RNF138: variants seen among roughly 807,000 people sequenced by gnomAD.
RNF138 encodes the protein ring finger protein 138, also known as E3 ubiquitin-protein ligase RNF138.
A neutral mutation model predicts 31.0 loss-of-function variants in RNF138; 12 were observed. That is an observed-to-expected ratio of 0.39 (90% CI 0.25 to 0.63). The LOEUF (loss-of-function observed/expected upper bound fraction) is 0.63. Ranked by LOEUF, RNF138 falls within the 20% of genes least tolerant of loss-of-function variation. RNF138 has a pLI of 0.52. For missense variants in RNF138, 192 were observed against 300.1 expected (o/e 0.64, Z 2.66); for synonymous variants, 105 against 99.5 (o/e 1.06, Z -0.33).
rs2040437658 is a variant in RNF138 at position 32,129,432 on chromosome 18, G to T, written c.*245G>T. ...ATGTTTCACTAATGTAACGGTGAAA[G>T]AGAATCCCTGTTGTACTTTATCTTT... On this transcript the variant is annotated 3_prime_UTR_variant, in exon 8 of 8. Coordinates refer to ENST00000261593, the MANE Select transcript of RNF138 (RefSeq NM_016271.5). 3 of 383,134 alleles carry T rather than the reference G, an allele frequency of 7.8e-6. No homozygotes were observed. The highest frequency in any genetic ancestry group is 1.4e-5 in the Non-Finnish European group (3 of 211,870). 23.7% of individuals were successfully genotyped at this position (383,134 alleles called of 1,614,324 possible).
At chr18:32,094,093 G>C (rs2039761367) in intron 2 of RNF138, among the ~76,000 whole-genome samples, 1 of 152,162 alleles carries the variant, frequency 6.6e-6, no homozygotes. Flanking sequence ...GCCCCGCCCG[G>C]AAATCTTTAT....
At position 32,092,890 on chromosome 18, in the gene RNF138, A is replaced by T; in HGVS notation, c.110+4A>T. 6.6e-7 allele frequency: 1 copy of T among 1,509,710 alleles called. No homozygotes were observed. 93.5% of individuals were successfully genotyped at this position (1,509,710 alleles called of 1,614,324 possible). A position where few individuals can be genotyped will look rare whatever the true frequency, so the allele number is the denominator to read the frequency against. On this transcript the variant is annotated splice_donor_region_variant and intron_variant, in intron 2 of 7. Transcript: ENST00000261593. ...GGACCACGGCCTGTCAGCACGTGTG[A>T]GTAGACGCCCCCTCCCCCTCGCGGA...
intron 2 of RNF138, among the ~76,000 whole-genome samples, chr18:32,108,427 ACT>A (rs2144590027): frequency 6.6e-6 from 1 of 151,808 alleles, no homozygotes; most frequent in South Asian, 2.1e-4. Context: ...TGCAGTTTGT[ACT>A]CTTTTATATC....
intron 4 of RNF138, among the ~76,000 whole-genome samples, chr18:32,117,090 TG>T (rs1172395345): frequency 1.3e-5 from 2 of 150,254 alleles, no homozygotes; most frequent in Non-Finnish European, 3.0e-5. Flanking sequence ...TTTGTAGAGA[TG>T]GGGTTTCACC....
chr18:32,121,150 A>C (rs1016446729), intron 4 of RNF138, among the ~76,000 whole-genome samples: 3 of 150,594 alleles, frequency 2.0e-5, no homozygotes, highest in African/African-American at 4.9e-5. Context: ...AAACAAAACA[A>C]AAAAAAAGCA....
At chr18:32,124,577 C>A in intron 5 of RNF138, 157 bp from the exon 6 acceptor site, 1 of 577,354 alleles carries the variant, frequency 1.7e-6, no homozygotes, top group Non-Finnish European at 3.1e-6. Context: ...TGTAATGCAT[C>A]ATTTCCTGAA....
At chr18:32,110,683 C>T (rs781664900) in intron 2 of RNF138, among the ~76,000 whole-genome samples, 1 of 152,056 alleles carries the variant, frequency 6.6e-6, no homozygotes, top group Non-Finnish European at 1.5e-5. Context: ...TTAACTGGTT[C>T]TCTTGAAAGC....
intron 2 of RNF138, among the ~76,000 whole-genome samples, chr18:32,093,992 C>T (rs879191266): frequency 6.6e-6 from 1 of 151,934 alleles, no homozygotes; most frequent in Admixed American, 6.6e-5. Flanking sequence ...GGGGTTTCAC[C>T]GTGTTAGCAA....
rs368990406 is a variant in RNF138, at chr18:32,124,857, C to T, written c.561+12C>T. ...AGATAGTTCCTGTGGTAAGTACATA[C>T]GTTTGAGACAGTCTTCTGCTTAGAA... On this transcript the variant is annotated intron_variant, in intron 6 of 7. Coordinates refer to ENST00000261593, the MANE Select transcript of RNF138 (RefSeq NM_016271.5). 177 of 1,224,184 alleles carry T rather than the reference C, an allele frequency of 1.4e-4. No individual in the cohort carries two copies. Among genetic ancestry groups the T allele is most frequent in the South Asian group, 5.3e-4 (44 of 83,144 alleles). 75.8% of individuals were successfully genotyped at this position (1,224,184 alleles called of 1,614,324 possible).
intron 4 of RNF138, among the ~76,000 whole-genome samples, chr18:32,118,841 AAATAATAAT>A (rs370275912): frequency 2.6e-5 from 4 of 151,994 alleles, no homozygotes; most frequent in African/African-American, 9.7e-5. Context: ...AAAAAAAAGA[AAATAATAAT>A]AATAATAATA....
chr18:32,104,955 C>A (rs1238899256), intron 2 of RNF138, among the ~76,000 whole-genome samples: 23 of 152,096 alleles, frequency 1.5e-4, no homozygotes, highest in Admixed American at 1.5e-3. Context: ...GAAGAACATG[C>A]AGATAGCACA....
At chr18:32,126,135 C>G (rs1433108522) in intron 6 of RNF138, among the ~76,000 whole-genome samples, 1 of 152,068 alleles carries the variant, frequency 6.6e-6, no homozygotes, top group Admixed American at 6.6e-5. Flanking sequence ...TGGCACATGC[C>G]TTTAATCCCA....
chr18:32,121,133 C>CAA (rs200622689), intron 4 of RNF138, among the ~76,000 whole-genome samples: 8 of 76,392 alleles, frequency 1.0e-4, no homozygotes, highest in African/African-American at 3.1e-4. Flanking sequence ...GAGACTGTCT[C>CAA]AAAAAAAAAC....
intron 4 of RNF138, among the ~76,000 whole-genome samples, chr18:32,117,965 CCTT>C (rs1221186741): frequency 1.3e-5 from 2 of 152,120 alleles, no homozygotes; most frequent in Non-Finnish European, 2.9e-5. Context: ...ATTTTATCCT[CCTT>C]GGAAATCATT....
intron 2 of RNF138, among the ~76,000 whole-genome samples, chr18:32,103,545 GA>G (rs1199943044): frequency 7.7e-5 from 11 of 142,314 alleles, no homozygotes; most frequent in East Asian, 6.1e-4. Flanking sequence ...AAGGCACCAA[GA>G]AAAAAAAAAG....
intron 2 of RNF138, among the ~76,000 whole-genome samples, chr18:32,100,851 C>T (rs1357815960): frequency 1.3e-5 from 2 of 152,120 alleles, no homozygotes; most frequent in Admixed American, 6.5e-5. Context: ...GCGATCTGCT[C>T]GCCTTGGCCT....
chr18:32,114,535 C>G (rs759020311), intron 4 of RNF138, among the ~76,000 whole-genome samples: 4 of 152,106 alleles, frequency 2.6e-5, no homozygotes, highest in Non-Finnish European at 5.9e-5. Flanking sequence ...GAGCTCCTGC[C>G]CATTTGAACC....
At chr18:32,102,354 G>A (rs1488320289) in intron 2 of RNF138, among the ~76,000 whole-genome samples, 5 of 149,440 alleles carry the variant, frequency 3.3e-5, no homozygotes, top group South Asian at 2.1e-4. Flanking sequence ...GGCGCCCGCC[G>A]CCACGCCCGG....
In RNF138 at chr18:32,100,468, CTTTTTTTTTTTT is replaced by C. The variant is rs754111567; in HGVS notation, c.110+7595_110+7606del. 7.2e-5 allele frequency among the ~76,000 whole-genome samples: 5 copies of C among 69,888 alleles called. No homozygotes were observed. The East Asian group carries it at 1.5e-3, about 21-fold the overall frequency. The allele number at this position is 69,888 out of a possible 152,430, so 45.8% of individuals were successfully genotyped here. ...ATGTGCCACCACCACACCCAACTAACTTTTTTTTTTTTTTTTTTTTTTTTGAGACGGAGTTTT... is the reference window on the plus strand; with the variant it reads ...ATGTGCCACCACCACACCCAACTAACTTTTTTTTTTTTGAGACGGAGTTTT... On this transcript the variant is annotated intron_variant, in intron 2 of 7. Coordinates refer to ENST00000261593, the MANE Select transcript of RNF138 (RefSeq NM_016271.5).
Sources: gnomAD v4.1 joint callset for allele counts (sites outside exome capture counted in the v4.1 genomes callset) on GRCh38, gnomAD v4.1.1 for gene constraint, MANE v1.5 for transcripts, NCBI Gene and HGNC (gene_info 2026-07-23, HGNC 2026-07-21) for gene names.